Variants in GABRG3 observed in about 807,000 individuals in gnomAD.
GABRG3 encodes gamma-aminobutyric acid type A receptor subunit gamma3.
A neutral mutation model predicts 48.8 loss-of-function variants in GABRG3; 25 were observed. That is an observed-to-expected ratio of 0.51 (90% CI 0.37 to 0.72). The LOEUF (loss-of-function observed/expected upper bound fraction) is 0.72, where lower values mean the gene tolerates loss of function less well. Ranked by LOEUF, GABRG3 falls within the 30% of genes least tolerant of loss-of-function variation. The pLI is 0.00. For missense variants in GABRG3, 394 were observed against 577.9 expected, an observed-to-expected ratio of 0.68 and a Z score of 3.26; for synonymous variants, 227 against 217.6, an observed-to-expected ratio of 1.04 and a Z score of -0.38.
chr15:27,007,971 A>G (rs1895619665), intron 2 of GABRG3, among the ~76,000 whole-genome samples: 1 of 152,052 alleles, frequency 6.6e-6, no homozygotes, highest in Non-Finnish European at 1.5e-5. Flanking sequence ...TCATCATGAA[A>G]TCTTTGTTCA....
At chr15:27,317,619 C>T (rs1893275906) in intron 3 of GABRG3, among the ~76,000 whole-genome samples, 1 of 152,142 alleles carries the variant, frequency 6.6e-6, no homozygotes, top group Non-Finnish European at 1.5e-5. Context: ...TTTAAAAGAA[C>T]ATTTCAGTCT....
rs1694915688 is a variant in GABRG3, at chr15:26,975,036, G to A, written c.54-1966G>A. On this transcript the variant is annotated intron_variant, in intron 1 of 9. Coordinates refer to ENST00000615808, the MANE Select transcript of GABRG3 (RefSeq NM_033223.5). The surrounding 1 kb of genome is among the most constrained non-coding windows in gnomAD (Gnocchi z 4.6). ...CTACAGGCATGTGCCACCATGCCCC[G>A]CTAATTTTTTTTGTATTTTTAGTAG... Among the ~76,000 whole-genome samples, 1 of 151,542 alleles carries A rather than the reference G, an allele frequency of 6.6e-6. No homozygotes were observed. Among genetic ancestry groups the A allele is most frequent in the South Asian group, 2.1e-4 (1 of 4,790 alleles).
intron 3 of GABRG3, among the ~76,000 whole-genome samples, chr15:27,215,794 C>A (rs1889227809): frequency 6.6e-6 from 1 of 152,144 alleles, no homozygotes; most frequent in African/African-American, 2.4e-5. Context: ...TGTCAGTAAG[C>A]TTTGCTGTGC....
chr15:27,148,273 A>G (rs1163585075), intron 3 of GABRG3, among the ~76,000 whole-genome samples: 1 of 152,026 alleles, frequency 6.6e-6, no homozygotes, highest in East Asian at 1.9e-4. Flanking sequence ...TCCTAGAAAG[A>G]CACAAACTAC....
At position 26,975,216 on chromosome 15, in the gene GABRG3, G is replaced by A. The variant is rs1169066078; in HGVS notation, c.54-1786G>A. ...ATTTTAGAGTAACATTTAAAATTCT[G>A]TAGTATTACTTGTAAATGTTCACTT... On this transcript the variant is annotated intron_variant, in intron 1 of 9. Coordinates refer to ENST00000615808, the MANE Select transcript of GABRG3 (RefSeq NM_033223.5). This position sits in a 1 kb window ranked among gnomAD's most constrained non-coding sequence, Gnocchi z 4.6. Among the ~76,000 whole-genome samples, 1 of 152,084 alleles carries A rather than the reference G, an allele frequency of 6.6e-6. No homozygotes were observed. Among genetic ancestry groups the A allele is most frequent in the Non-Finnish European group, 1.5e-5 (1 of 68,034 alleles).
intron 5 of GABRG3, among the ~76,000 whole-genome samples, chr15:27,376,248 C>T (rs1895591620): frequency 6.6e-6 from 1 of 152,190 alleles, no homozygotes; most frequent in African/African-American, 2.4e-5. Flanking sequence ...TGTGGCTTTG[C>T]AGGATACAGC....
At chr15:27,000,908 T>A (rs74996599) in intron 2 of GABRG3, among the ~76,000 whole-genome samples, 1 of 152,348 alleles carries the variant, frequency 6.6e-6, no homozygotes, top group African/African-American at 2.4e-5. Flanking sequence ...TTTGACTATT[T>A]CCACTCTAGC....
intron 6 of GABRG3, among the ~76,000 whole-genome samples, chr15:27,485,065 G>T (rs750785884): frequency 4.6e-5 from 7 of 152,196 alleles, no homozygotes. Context: ...AAGAGCGCAG[G>T]AGGAGACAAA....
chr15:27,415,897 C>T (rs1267188750), intron 5 of GABRG3, among the ~76,000 whole-genome samples: 2 of 152,148 alleles, frequency 1.3e-5, no homozygotes, highest in Non-Finnish European at 2.9e-5. Context: ...TCTATGGTCA[C>T]CTTACTGAGC....
intron 3 of GABRG3, among the ~76,000 whole-genome samples, chr15:27,178,416 G>T (rs1378101): frequency 1.3e-5 from 2 of 152,084 alleles, no homozygotes; most frequent in Non-Finnish European, 2.9e-5. Flanking sequence ...GCATATCACA[G>T]GTTCTCCAAA....
intron 5 of GABRG3, among the ~76,000 whole-genome samples, chr15:27,379,954 A>G (rs1409686305): frequency 6.6e-6 from 1 of 150,446 alleles, no homozygotes; most frequent in Non-Finnish European, 1.5e-5. Context: ...CTCAGTTATT[A>G]TAGTTTTAAA....
chr15:27,387,819 G>A, intron 5 of GABRG3, among the ~76,000 whole-genome samples: 5 of 113,828 alleles, frequency 4.4e-5, no homozygotes, highest in Non-Finnish European at 7.5e-5. Flanking sequence ...GAGGGAGGGA[G>A]GGAGGGAGAG....
At chr15:27,222,735 T>A (rs1889492170) in intron 3 of GABRG3, among the ~76,000 whole-genome samples, 1 of 152,200 alleles carries the variant, frequency 6.6e-6, no homozygotes. Flanking sequence ...CATGACTCAT[T>A]ACAAACCAGA....
chr15:27,428,154 G>T (rs34684517), intron 5 of GABRG3: 17,152 of 152,554 alleles, frequency 0.11, 1,372 homozygotes, highest in East Asian at 0.32. Context: ...CTCCAAAAGC[G>T]CTGGGATTAC....
At chr15:27,523,002 A>G (rs574345194) in intron 7 of GABRG3, among the ~76,000 whole-genome samples, 1 of 152,004 alleles carries the variant, frequency 6.6e-6, no homozygotes, top group South Asian at 2.1e-4. Flanking sequence ...GCTATTGGAT[A>G]TTACAGAACT....
rs1210872916 is a variant in GABRG3, at chr15:27,536,852, T to C, written c.*3971T>C. On this transcript the variant is annotated 3_prime_UTR_variant, in exon 10 of 10. Transcript: ENST00000615808. ...CTATGACTAGGAAGCAATGAGCCAC[T>C]CTATCTAAAGGGCTAGAACACAAAA... is the stretch of plus-strand genomic sequence containing the variant. 6.6e-6 allele frequency: 1 copy of C among 152,186 alleles called. No individual in the cohort carries two copies. Among genetic ancestry groups the C allele is most frequent in the African/African-American group, 2.4e-5 (1 of 41,444 alleles). The allele number at this position is 152,186 out of a possible 1,614,324, so 9.4% of individuals were successfully genotyped here.
intron 3 of GABRG3, among the ~76,000 whole-genome samples, chr15:27,161,517 TAAAG>T (rs936402367): frequency 1.3e-5 from 2 of 152,232 alleles, no homozygotes; most frequent in Non-Finnish European, 2.9e-5. Context: ...GAAAAGCTCT[TAAAG>T]AAGTTAAATT....
At chr15:27,453,460 T>C (rs1177245350) in intron 5 of GABRG3, among the ~76,000 whole-genome samples, 2 of 152,218 alleles carry the variant, frequency 1.3e-5, no homozygotes, top group African/African-American at 2.4e-5. Context: ...ATACATGTTA[T>C]TCATATACTC....
intron 3 of GABRG3, among the ~76,000 whole-genome samples, chr15:27,134,565 A>G (rs150491827): frequency 3.3e-5 from 5 of 152,242 alleles, no homozygotes; most frequent in African/African-American, 9.6e-5. Context: ...TGGTCACCAC[A>G]CTGGGCTCTG....
Sources: allele counts gnomAD v4.1 joint callset (sites outside exome capture counted in the v4.1 genomes callset), GRCh38; gene constraint gnomAD v4.1.1; non-coding constraint Gnocchi (gnomAD v3.1); transcripts MANE v1.5; gene names NCBI Gene and HGNC (gene_info 2026-07-23, HGNC 2026-07-21).